Variants in TENM3 observed in about 807,000 individuals in gnomAD.
TENM3 encodes the protein teneurin-3.
Under a neutral mutation model 255.1 loss-of-function variants are expected in TENM3, and 63 were observed. The ratio of observed to expected loss-of-function variants is 0.25; its 90% CI spans 0.20 to 0.30. The LOEUF (loss-of-function observed/expected upper bound fraction) is 0.30. Ranked by LOEUF, TENM3 falls within the 10% of genes least tolerant of loss-of-function variation. The probability of loss-of-function intolerance (pLI) is 1.00; values close to 1 mark genes in which losing one functional copy is unlikely to be tolerated. For synonymous variants in TENM3, 1,306 were observed against 1,322.3 expected, an observed-to-expected ratio of 0.99 and a Z score of 0.27; for missense variants, 2,929 against 3,461.1, an observed-to-expected ratio of 0.85 and a Z score of 3.86.
chr4:181,459,386 A>G, the TENM3 span, among the ~76,000 whole-genome samples: 2 of 151,834 alleles, frequency 1.3e-5, no homozygotes, highest in African/African-American at 4.8e-5. Flanking sequence ...CAATTTTTTT[A>G]TGATTTGAAT....
At chr4:182,679,624 A>G (rs759256143) in intron 7 of TENM3, 42 bp from the exon 8 acceptor site, 3 of 1,455,562 alleles carry the variant, frequency 2.1e-6, no homozygotes, top group Non-Finnish European at 2.8e-6. Context: ...AGAAGCAGCC[A>G]CCCTTTATCT....
At chr4:182,225,183 C>T (rs989210981) in intron 1 of TENM3, among the ~76,000 whole-genome samples, 3 of 152,178 alleles carry the variant, frequency 2.0e-5, no homozygotes, top group East Asian at 3.9e-4. Flanking sequence ...GCCTGTAGCC[C>T]AATGCCTGTT....
intron 22 of TENM3, among the ~76,000 whole-genome samples, chr4:182,759,622 T>G (rs1762983519): frequency 6.6e-6 from 1 of 152,246 alleles, no homozygotes; most frequent in Admixed American, 6.5e-5. Context: ...TGATAGCACT[T>G]TCTTCTGAAA....
chr4:182,497,480 C>A (rs904244907), intron 3 of TENM3, among the ~76,000 whole-genome samples: 1 of 152,074 alleles, frequency 6.6e-6, no homozygotes, highest in Non-Finnish European at 1.5e-5. Flanking sequence ...CTTTTAATAT[C>A]TTTTAAAACT....
chr4:181,808,648 AG>A, the TENM3 span, among the ~76,000 whole-genome samples: 1 of 152,204 alleles, frequency 6.6e-6, no homozygotes, highest in South Asian at 2.1e-4. Flanking sequence ...CAATTCATAA[AG>A]AAATTGCATG....
chr4:182,792,408 C>T lies in TENM3; in HGVS notation c.5736C>T (p.Arg1912=). The T allele has an allele frequency of 6.2e-7, 1 of 1,614,038 alleles. No individual in the cohort carries two copies. Among genetic ancestry groups the T allele is most frequent in the Non-Finnish European group, 8.5e-7 (1 of 1,179,902 alleles). The change falls in exon 26 of 28, where the codon CGC becomes CGT. Residue 1912 remains arginine (R), a synonymous_variant. Transcript: ENST00000511685. The surrounding 1 kb of genome is among the most constrained non-coding windows in gnomAD (Gnocchi z 6.3). ...CCATCCGATCCATTGGCTACTACCG[C>T]AACATATACAACCCCCCGGAAAGCA... ...MQTIRSIGYY[R]NIYNPPESNA... is the part of the protein sequence containing the mutation.
the TENM3 span, among the ~76,000 whole-genome samples, chr4:181,468,986 T>C: frequency 3.3e-5 from 5 of 152,212 alleles, no homozygotes; most frequent in African/African-American, 1.2e-4. Context: ...GATGTCAACC[T>C]GGATGTCAGA....
chr4:182,065,897 G>C, the TENM3 span, among the ~76,000 whole-genome samples: 3 of 152,338 alleles, frequency 2.0e-5, no homozygotes, highest in Non-Finnish European at 4.4e-5. Context: ...CTTCAGCGCT[G>C]CTAGCTAGGA....
the TENM3 span, among the ~76,000 whole-genome samples, chr4:181,496,208 G>A: frequency 7.9e-5 from 12 of 152,184 alleles, no homozygotes; most frequent in Non-Finnish European, 7.4e-5. Context: ...AACGAAACTT[G>A]AGGAGCAGAA....
At chr4:182,041,135 T>C in the TENM3 span, among the ~76,000 whole-genome samples, 1 of 152,106 alleles carries the variant, frequency 6.6e-6, no homozygotes, top group Admixed American at 6.5e-5. Flanking sequence ...TAAGATCTAA[T>C]TAGAAGAAAG....
At chr4:182,357,253 A>T (rs377015089) in intron 3 of TENM3, among the ~76,000 whole-genome samples, 1 of 151,592 alleles carries the variant, frequency 6.6e-6, no homozygotes, top group Non-Finnish European at 1.5e-5. Context: ...TGGCTGGGTC[A>T]AATGGTATTT....
chr4:182,296,820 A>C (rs1385577574), intron 1 of TENM3, among the ~76,000 whole-genome samples: 1 of 152,194 alleles, frequency 6.6e-6, no homozygotes, highest in Non-Finnish European at 1.5e-5. Flanking sequence ...TGATTTTTTA[A>C]AACACAAATT....
rs776515357 is a variant in TENM3 at position 182,754,568 on chromosome 4, A to C, written c.4201A>C (p.Thr1401Pro). 1.9e-6 allele frequency: 3 copies of C among 1,613,980 alleles called. No homozygotes were observed. In the East Asian group the frequency reaches 6.7e-5, roughly 36 times the overall value. ...YPVGKHAVQT[T>P]LESATAIAVS... ...TGTGGGGAAGCACGCGGTGCAGACAACACTGGAATCAGCCACTGCCATTGC... is the reference window on the plus strand; with the variant it reads ...TGTGGGGAAGCACGCGGTGCAGACACCACTGGAATCAGCCACTGCCATTGC... The change falls in exon 22 of 28, where the codon ACA becomes CCA. Residue 1401 changes from threonine to proline, a missense_variant. Around this residue, in one of 6 missense-constraint regions of TENM3, gnomAD observed 1,608 missense variants for 1,884.4 expected, o/e 0.85. Transcript: ENST00000511685. The surrounding 1 kb of genome is among the most constrained non-coding windows in gnomAD (Gnocchi z 5.1).
chr4:181,874,025 C>T, the TENM3 span, among the ~76,000 whole-genome samples: 9 of 152,162 alleles, frequency 5.9e-5, no homozygotes, highest in East Asian at 3.9e-4. Flanking sequence ...CCTGGTGATT[C>T]GCCTGCCTTA....
In TENM3 at chr4:182,381,927, A is replaced by G. The variant is rs1231422574; in HGVS notation, c.511+34998A>G. On this transcript the variant is annotated intron_variant, in intron 3 of 27. Coordinates refer to ENST00000511685, the MANE Select transcript of TENM3 (RefSeq NM_001080477.4). ...CCAAAGGGAAGAAATCGTCTTGTTC[A>G]TGTGGTCCTCATTTTGTGCTAGGGA... is the stretch of plus-strand genomic sequence containing the variant. Among the ~76,000 whole-genome samples, 6 of 152,178 alleles carry G rather than the reference A, an allele frequency of 3.9e-5. No homozygotes were observed. In the East Asian group the frequency reaches 5.8e-4, roughly 15 times the overall value.
At chr4:182,352,684 A>G (rs1285265645) in intron 3 of TENM3, among the ~76,000 whole-genome samples, 1 of 152,124 alleles carries the variant, frequency 6.6e-6, no homozygotes, top group Non-Finnish European at 1.5e-5. Flanking sequence ...TCAAGGAACC[A>G]ATTTCACTTG....
chr4:181,505,010 T>G, the TENM3 span, among the ~76,000 whole-genome samples: 1 of 152,150 alleles, frequency 6.6e-6, no homozygotes, highest in Non-Finnish European at 1.5e-5. Context: ...AAAAAGCATT[T>G]GGGGTTAAAT....
At chr4:182,758,672 CTATG>C (rs1271850628) in intron 22 of TENM3, among the ~76,000 whole-genome samples, 1 of 152,060 alleles carries the variant, frequency 6.6e-6, no homozygotes, top group Non-Finnish European at 1.5e-5. Flanking sequence ...TACCATGTGT[CTATG>C]TGTCTACTTT....
At chr4:182,132,217 T>C in the TENM3 span, among the ~76,000 whole-genome samples, 1 of 152,140 alleles carries the variant, frequency 6.6e-6, no homozygotes, top group African/African-American at 2.4e-5. Context: ...CAGTGGCTCA[T>C]GCCTATAATC....
Sources: allele counts gnomAD v4.1 joint callset (sites outside exome capture counted in the v4.1 genomes callset), GRCh38; gene constraint gnomAD v4.1.1; regional missense constraint gnomAD v4.1.1; non-coding constraint Gnocchi (gnomAD v3.1); transcripts MANE v1.5; gene names NCBI Gene and HGNC (gene_info 2026-07-23, HGNC 2026-07-21).